Variants in SLC24A2 observed in about 807,000 individuals in gnomAD.
SLC24A2 encodes solute carrier family 24 member 2.
SLC24A2 carries 36 observed loss-of-function variants against 62.0 expected under a neutral mutation model. That is an observed-to-expected ratio of 0.58 (90% CI 0.44 to 0.77). The LOEUF (loss-of-function observed/expected upper bound fraction) is 0.77. Among genes scored for constraint, SLC24A2 ranks in the 30% least tolerant of loss-of-function variants. SLC24A2 has a pLI of 0.00. For missense variants in SLC24A2, 846 were observed against 817.9 expected (o/e 1.03, Z -0.42); for synonymous variants, 358 against 294.0 (o/e 1.22, Z -2.23).
the SLC24A2 span, among the ~76,000 whole-genome samples, chr9:19,881,307 G>A: frequency 6.6e-6 from 1 of 152,102 alleles, no homozygotes; most frequent in African/African-American, 2.4e-5. Context: ...AGAGCAAATA[G>A]TGTCCCCAGA....
At chr9:19,674,975 T>C (rs3940087) in intron 2 of SLC24A2, among the ~76,000 whole-genome samples, 4,584 of 152,226 alleles carry the variant, frequency 0.03, 148 homozygotes, top group East Asian at 0.094. Context: ...TTCCTTCTAT[T>C]TGAGTACACT....
At chr9:20,125,817 C>A in the SLC24A2 span, among the ~76,000 whole-genome samples, 2 of 152,174 alleles carry the variant, frequency 1.3e-5, no homozygotes, top group African/African-American at 4.8e-5. Context: ...TGTGTGTAAG[C>A]TGAATTTGGT....
the SLC24A2 span, among the ~76,000 whole-genome samples, chr9:19,841,772 A>G: frequency 1.3e-4 from 20 of 152,306 alleles, no homozygotes; most frequent in Admixed American, 9.2e-4. Context: ...ACCCAATATC[A>G]ATGCTCATCA....
chr9:19,568,116 T>G (rs1023988125), intron 7 of SLC24A2, among the ~76,000 whole-genome samples: 1 of 152,172 alleles, frequency 6.6e-6, no homozygotes, highest in South Asian at 2.1e-4. Flanking sequence ...CGGAACTTGC[T>G]AAAAATACAA....
At chr9:19,958,503 A>G in the SLC24A2 span, among the ~76,000 whole-genome samples, 1 of 152,186 alleles carries the variant, frequency 6.6e-6, no homozygotes, top group African/African-American at 2.4e-5. Flanking sequence ...ACGGCACTGT[A>G]CTGTACTCCA....
the SLC24A2 span, among the ~76,000 whole-genome samples, chr9:20,107,029 A>C: frequency 6.6e-6 from 1 of 152,248 alleles, no homozygotes. Context: ...ATGTACAAAA[A>C]TCACAAGGAT....
chr9:20,170,335 C>T, the SLC24A2 span, among the ~76,000 whole-genome samples: 3 of 152,098 alleles, frequency 2.0e-5, no homozygotes, highest in East Asian at 5.8e-4. Flanking sequence ...CTCCCATCAA[C>T]TAAGATTGCA....
At chr9:20,053,677 T>C in the SLC24A2 span, among the ~76,000 whole-genome samples, 1 of 152,196 alleles carries the variant, frequency 6.6e-6, no homozygotes, top group African/African-American at 2.4e-5. Flanking sequence ...CCCTTACTCC[T>C]TCCATTATGG....
upstream of SLC24A2, among the ~76,000 whole-genome samples, chr9:19,791,136 A>C (rs1022549863): frequency 6.6e-6 from 1 of 152,214 alleles, no homozygotes; most frequent in Admixed American, 6.5e-5. Context: ...AAATAGCTTC[A>C]AGATGCTATC....
At chr9:19,963,723 C>G in the SLC24A2 span, among the ~76,000 whole-genome samples, 36,817 of 151,472 alleles carry the variant, frequency 0.24, 5,509 homozygotes, top group South Asian at 0.39. Flanking sequence ...GAAACAACAG[C>G]TGCTGGAGAG....
chr9:20,305,495 G>A, the SLC24A2 span, among the ~76,000 whole-genome samples: 1 of 152,192 alleles, frequency 6.6e-6, no homozygotes, highest in African/African-American at 2.4e-5. Context: ...ATCTTTAAAA[G>A]ATGTAGGTCA....
At chr9:19,732,394 T>A (rs772729815) in intron 2 of SLC24A2, among the ~76,000 whole-genome samples, 14 of 152,156 alleles carry the variant, frequency 9.2e-5, no homozygotes, top group Admixed American at 2.0e-4. Flanking sequence ...CTAGCAATAC[T>A]GGCTATTAAA....
At chr9:19,964,784 A>G in the SLC24A2 span, among the ~76,000 whole-genome samples, 1 of 152,200 alleles carries the variant, frequency 6.6e-6, no homozygotes, top group Non-Finnish European at 1.5e-5. Flanking sequence ...CTGGCCTGCC[A>G]TTGCTCTACC....
intron 9 of SLC24A2, among the ~76,000 whole-genome samples, chr9:19,523,077 G>A (rs1054649701): frequency 2.0e-5 from 3 of 152,176 alleles, no homozygotes; most frequent in African/African-American, 4.8e-5. Flanking sequence ...CAGCTACTCG[G>A]GGGTTGAGGC....
At chr9:20,157,601 C>A in the SLC24A2 span, among the ~76,000 whole-genome samples, 2 of 151,710 alleles carry the variant, frequency 1.3e-5, no homozygotes, top group South Asian at 4.2e-4. Flanking sequence ...GAGGTTGCAA[C>A]CAGTAACTCT....
At chr9:20,071,277 G>A in the SLC24A2 span, among the ~76,000 whole-genome samples, 1 of 152,148 alleles carries the variant, frequency 6.6e-6, no homozygotes, top group Non-Finnish European at 1.5e-5. Context: ...CAGCAAGTCT[G>A]CCAAAGCCTT....
At chr9:20,265,961 A>C in the SLC24A2 span, among the ~76,000 whole-genome samples, 2 of 152,214 alleles carry the variant, frequency 1.3e-5, no homozygotes, top group South Asian at 4.1e-4. Context: ...TCCCAGGCTT[A>C]TTAGGACCAG....
At chr9:20,248,907 T>C in the SLC24A2 span, among the ~76,000 whole-genome samples, 1 of 152,146 alleles carries the variant, frequency 6.6e-6, no homozygotes, top group Non-Finnish European at 1.5e-5. Flanking sequence ...CAGAGATATA[T>C]TCATGGTTCT....
At chr9:20,074,688 T>C in the SLC24A2 span, among the ~76,000 whole-genome samples, 9 of 151,856 alleles carry the variant, frequency 5.9e-5, no homozygotes, top group African/African-American at 1.9e-4. Flanking sequence ...AGTTGCTTTA[T>C]TCAGGTCTCT....
Sources: gnomAD v4.1 joint callset for allele counts (sites outside exome capture counted in the v4.1 genomes callset) on GRCh38, gnomAD v4.1.1 for gene constraint, MANE v1.5 for transcripts, NCBI Gene and HGNC (gene_info 2026-07-23, HGNC 2026-07-21) for gene names.